Variants in LPP observed in about 807,000 individuals in gnomAD.
The protein encoded by LPP is LIM domain containing preferred translocation partner in lipoma.
Under a neutral mutation model 60.4 loss-of-function variants are expected in LPP, and 38 were observed. The ratio of observed to expected loss-of-function variants is 0.63; its 90% CI spans 0.49 to 0.83. The LOEUF is 0.83. Among genes scored for constraint, LPP ranks in the 40% least tolerant of loss-of-function variants. LPP has a pLI of 0.00. For missense variants in LPP, 902 were observed against 783.6 expected (o/e 1.15, Z -1.80); for synonymous variants, 328 against 290.8 (o/e 1.13, Z -1.30).
intron 7 of LPP, among the ~76,000 whole-genome samples, chr3:188,702,953 C>G (rs1864775065): frequency 6.6e-6 from 1 of 152,072 alleles, no homozygotes; most frequent in Admixed American, 6.6e-5. Context: ...TCAGCACACC[C>G]CAGTTTCAAC....
intron 9 of LPP, among the ~76,000 whole-genome samples, chr3:188,857,074 A>G (rs767666429): frequency 4.9e-4 from 75 of 152,168 alleles, no homozygotes; most frequent in Non-Finnish European, 7.8e-4. Context: ...CTGCATAGAA[A>G]CCATGCCATC....
At chr3:188,606,520 G>A (rs1438317057) in intron 6 of LPP, among the ~76,000 whole-genome samples, 3 of 152,000 alleles carry the variant, frequency 2.0e-5, no homozygotes, top group South Asian at 2.1e-4. Flanking sequence ...GGGTAAACTT[G>A]TCATTTACTT....
intron 7 of LPP, among the ~76,000 whole-genome samples, chr3:188,634,800 A>G (rs1009139976): frequency 6.6e-6 from 1 of 152,212 alleles, no homozygotes; most frequent in African/African-American, 2.4e-5. Flanking sequence ...GGTGAGTTGT[A>G]TAATTACTTC....
rs1459311903 is a variant in LPP, at chr3:188,882,969, C to G, written c.*8490C>G. 1 of 187,200 alleles carries G rather than the reference C, an allele frequency of 5.3e-6. No individual in the cohort carries two copies. Among genetic ancestry groups the G allele is most frequent in the East Asian group, 8.6e-5 (1 of 11,612 alleles). The allele number at this position is 187,200 out of a possible 1,614,324, so 11.6% of individuals were successfully genotyped here. ...GGTCTCGATCTCCTGACCTCGTGAT[C>G]CGCCCGCCTCGGCCTCCCAAAGTGC... On this transcript the variant is annotated 3_prime_UTR_variant, in exon 12 of 12. Transcript: ENST00000617246.
At chr3:188,372,717 A>T (rs1363265597) in intron 3 of LPP, among the ~76,000 whole-genome samples, 4 of 149,256 alleles carry the variant, frequency 2.7e-5, no homozygotes, top group Admixed American at 1.3e-4. Context: ...AAATTTTATT[A>T]TTATTATACT....
chr3:188,825,277 G>C (rs4999551), intron 9 of LPP, among the ~76,000 whole-genome samples: 13,169 of 131,086 alleles, frequency 0.1, 665 homozygotes, highest in Non-Finnish European at 0.14. Context: ...CTCTGTGTGT[G>C]TGTGTGTGTG....
intron 2 of LPP, among the ~76,000 whole-genome samples, chr3:188,247,841 G>A (rs1377203873): frequency 6.6e-6 from 1 of 151,696 alleles, no homozygotes; most frequent in Non-Finnish European, 1.5e-5. Context: ...TCAATCTAAG[G>A]ACACTGTAAA....
intron 7 of LPP, among the ~76,000 whole-genome samples, chr3:188,629,826 A>C (rs1158668705): frequency 6.6e-6 from 1 of 152,142 alleles, no homozygotes; most frequent in African/African-American, 2.4e-5. Flanking sequence ...ACCTGACTTC[A>C]AATTAAACTG....
chr3:188,173,501 C>CA (rs945957514), intron 1 of LPP, among the ~76,000 whole-genome samples: 7 of 116,946 alleles, frequency 6.0e-5, no homozygotes, highest in South Asian at 2.5e-4. Flanking sequence ...GACTCCGTCT[C>CA]AAAAAAAACA....
intron 9 of LPP, among the ~76,000 whole-genome samples, chr3:188,859,662 A>G (rs1764709500): frequency 6.6e-6 from 1 of 152,212 alleles, no homozygotes; most frequent in Non-Finnish European, 1.5e-5. Flanking sequence ...AGAGAGGCAT[A>G]TAAGAAGTTT....
At chr3:188,872,050 TA>T (rs1768241823) in intron 10 of LPP, among the ~76,000 whole-genome samples, 1 of 152,190 alleles carries the variant, frequency 6.6e-6, no homozygotes, top group African/African-American at 2.4e-5. Context: ...ATAAAAAATG[TA>T]GGAAATGCAG....
intron 2 of LPP, among the ~76,000 whole-genome samples, chr3:188,227,282 A>T (rs1337868570): frequency 6.6e-6 from 1 of 150,928 alleles, no homozygotes; most frequent in East Asian, 2.0e-4. Flanking sequence ...GGTGTGCTGC[A>T]CCCACTAACT....
At chr3:188,252,069 TATATATACAC>T (rs1348076355) in intron 2 of LPP, among the ~76,000 whole-genome samples, 14 of 101,696 alleles carry the variant, frequency 1.4e-4, no homozygotes, top group African/African-American at 4.9e-4. Context: ...TATATATATA[TATATATACAC>T]ACACACACAC....
chr3:188,807,422 TA>T (rs1204990179), intron 9 of LPP, among the ~76,000 whole-genome samples: 1 of 152,078 alleles, frequency 6.6e-6, no homozygotes, highest in Non-Finnish European at 1.5e-5. Flanking sequence ...CTTTAGAAGA[TA>T]GCCAATATCT....
intron 1 of LPP, among the ~76,000 whole-genome samples, chr3:188,209,687 A>G (rs775015000): frequency 2.5e-4 from 38 of 152,184 alleles, no homozygotes; most frequent in Non-Finnish European, 3.5e-4. Context: ...CCTGAGCTTC[A>G]TCCACAAAGG....
chr3:188,333,899 T>C (rs1202092499), intron 2 of LPP, among the ~76,000 whole-genome samples: 1 of 152,222 alleles, frequency 6.6e-6, no homozygotes, highest in African/African-American at 2.4e-5. Context: ...GCCACTCTTC[T>C]AGCTACTTGA....
chr3:188,256,522 C>A (rs1162794294), intron 2 of LPP, among the ~76,000 whole-genome samples: 1 of 152,134 alleles, frequency 6.6e-6, no homozygotes, highest in Non-Finnish European at 1.5e-5. Context: ...TTTAATTACA[C>A]TTAAGGTCAT....
At chr3:188,722,806 C>A (rs561387098) in intron 8 of LPP, among the ~76,000 whole-genome samples, 2 of 152,234 alleles carry the variant, frequency 1.3e-5, no homozygotes, top group African/African-American at 4.8e-5. Context: ...AAAAAGTTTT[C>A]TAAACCGTAG....
chr3:188,372,023 G>T (rs568870185), intron 3 of LPP, among the ~76,000 whole-genome samples: 2 of 151,254 alleles, frequency 1.3e-5, no homozygotes, highest in Non-Finnish European at 2.9e-5. Flanking sequence ...CCTAGTTTGT[G>T]GGGAGAGGTA....
Sources: gnomAD v4.1 joint callset for allele counts (sites outside exome capture counted in the v4.1 genomes callset) on GRCh38, gnomAD v4.1.1 for gene constraint, MANE v1.5 for transcripts, NCBI Gene and HGNC (gene_info 2026-07-23, HGNC 2026-07-21) for gene names.